Variants in MAPK4 observed in about 807,000 individuals in gnomAD.
MAPK4 encodes the protein mitogen-activated protein kinase 4, also known as Erk3-related.
Under a neutral mutation model 47.7 loss-of-function variants are expected in MAPK4, and 22 were observed. The ratio of observed to expected loss-of-function variants is 0.46; its 90% CI spans 0.33 to 0.66. MAPK4 has a LOEUF of 0.66. Among genes scored for constraint, MAPK4 ranks in the 30% least tolerant of loss-of-function variants. The pLI is 0.02. For missense variants in MAPK4, 736 were observed against 831.7 expected, an observed-to-expected ratio of 0.88 and a Z score of 1.42; for synonymous variants, 390 against 365.7, an observed-to-expected ratio of 1.07 and a Z score of -0.76.
At chr18:50,661,430 A>C (rs896333861) in intron 1 of MAPK4, among the ~76,000 whole-genome samples, 43 of 152,330 alleles carry the variant, frequency 2.8e-4, no homozygotes, top group African/African-American at 9.9e-4. Context: ...AATGGTATTC[A>C]TTTATCCATT....
rs1368280953 is a variant in MAPK4 at position 50,731,654 on chromosome 18, A to G, written c.*1800A>G. The G allele has an allele frequency of 6.6e-6, 1 of 152,250 alleles. No homozygotes were observed. Among genetic ancestry groups the G allele is most frequent in the Non-Finnish European group, 1.5e-5 (1 of 68,042 alleles). 9.4% of individuals were successfully genotyped at this position (152,250 alleles called of 1,614,324 possible). A position where few individuals can be genotyped will look rare whatever the true frequency, so the allele number is the denominator to read the frequency against. On this transcript the variant is annotated 3_prime_UTR_variant, in exon 6 of 6. Transcript: ENST00000400384. ...ACTCCTCATGTGCCATTTTGTCCTC[A>G]GAGGGCGGCTTTACTTTTTTGGTAA...
At chr18:50,593,121 A>C (rs909857513) in intron 1 of MAPK4, among the ~76,000 whole-genome samples, 2 of 152,234 alleles carry the variant, frequency 1.3e-5, no homozygotes, top group African/African-American at 4.8e-5. Context: ...ACAGGCAACC[A>C]GCCTCCAAAC....
intron 1 of MAPK4, among the ~76,000 whole-genome samples, chr18:50,619,132 A>G (rs543802043): frequency 3.9e-5 from 6 of 152,250 alleles, no homozygotes; most frequent in Non-Finnish European, 8.8e-5. Flanking sequence ...AACTTGGATT[A>G]ACATGTGCCA....
chr18:50,686,586 A>G (rs1020537473), intron 2 of MAPK4, among the ~76,000 whole-genome samples: 1 of 152,224 alleles, frequency 6.6e-6, no homozygotes, highest in Admixed American at 6.5e-5. Flanking sequence ...GTTTGCTCAC[A>G]TTACAACACT....
At chr18:50,680,430 A>C (rs557824884) in intron 2 of MAPK4, among the ~76,000 whole-genome samples, 2 of 152,272 alleles carry the variant, frequency 1.3e-5, no homozygotes, top group South Asian at 4.2e-4. Context: ...AGATATATTA[A>C]CATACCATAC....
Position 50,731,023 on chromosome 18 carries a change from AGATGTGTTGGAGAGCACGTCGT to A in MAPK4, c.*1172_*1193del, listed in dbSNP as rs1266805564. 6.6e-6 allele frequency: 1 copy of A among 152,228 alleles called. No individual in the cohort carries two copies. Among genetic ancestry groups the A allele is most frequent in the African/African-American group, 2.4e-5 (1 of 41,430 alleles). 9.4% of individuals were successfully genotyped at this position (152,228 alleles called of 1,614,324 possible). ...CCTTGACAAACAGCAGACCCTACAG[AGATGTGTTGGAGAGCACGTCGT>A]GACCTTGGGGGCAAGGAATCCAGAA... On this transcript the variant is annotated 3_prime_UTR_variant, in exon 6 of 6. Coordinates refer to ENST00000400384, the MANE Select transcript of MAPK4 (RefSeq NM_002747.4).
rs1199595530 is a variant in MAPK4, at chr18:50,664,429, C to T, written c.471C>T (p.Ile157=). 6.2e-7 allele frequency: 1 copy of T among 1,614,136 alleles called. No homozygotes were observed. Among genetic ancestry groups the T allele is most frequent in the Non-Finnish European group, 8.5e-7 (1 of 1,179,998 alleles). The part of the protein sequence containing the change: ...HRDLKPANIF[I]STEDLVLKIG... ...ACCTGAAGCCCGCCAACATCTTCAT[C>T]AGCACAGAGGACCTCGTGCTCAAGA... Residue 157 remains isoleucine (I), a synonymous_variant, in exon 2 of 6, where the codon ATC becomes ATT. Coordinates refer to ENST00000400384, the MANE Select transcript of MAPK4 (RefSeq NM_002747.4). This position sits in a 1 kb window ranked among gnomAD's most constrained non-coding sequence, Gnocchi z 6.0.
chr18:50,596,185 AC>A lies in MAPK4; in HGVS notation c.-871+35943del, dbSNP rs141045036. Among the ~76,000 whole-genome samples the A allele has an allele frequency of 9.1e-3, 1,383 of 152,274 alleles. 19 individuals carry two copies. The highest frequency in any genetic ancestry group is 0.031 in the African/African-American group (1,285 of 41,550). On this transcript the variant is annotated intron_variant, in intron 1 of 5. Transcript: ENST00000400384. ...TCATCCGCATTTTCTCCATGGGCTG[AC>A]TTGAGGTACAGTGAGGTTAAATGAC...
At chr18:50,693,689 T>C (rs1217536912) in intron 2 of MAPK4, among the ~76,000 whole-genome samples, 3 of 152,226 alleles carry the variant, frequency 2.0e-5, no homozygotes, top group Non-Finnish European at 4.4e-5. Context: ...CAAGCGTGCA[T>C]GTGCTTTCCG....
intron 1 of MAPK4, among the ~76,000 whole-genome samples, chr18:50,650,319 C>T (rs1297810858): frequency 1.3e-5 from 2 of 148,332 alleles, no homozygotes; most frequent in African/African-American, 2.5e-5. Context: ...CCCATTGCCC[C>T]CTTTCCACTA....
chr18:50,725,814 A>G (rs1301644586), intron 4 of MAPK4, 148 bp from the exon 5 acceptor site: 3 of 691,726 alleles, frequency 4.3e-6, no homozygotes, highest in African/African-American at 1.8e-5. Flanking sequence ...GGATTGTGAC[A>G]AGGGTCTTGA....
intron 2 of MAPK4, among the ~76,000 whole-genome samples, chr18:50,696,036 T>G (rs1909495442): frequency 6.6e-6 from 1 of 151,258 alleles, no homozygotes; most frequent in Non-Finnish European, 1.5e-5. Context: ...ACTCAAGGGA[T>G]CCTCATCTGG....
At position 50,617,204 on chromosome 18, in the gene MAPK4, C is replaced by A. The variant is rs113896978; in HGVS notation, c.-870-45885C>A. ...TTTCTCAAAATAAGGCATAGTAGAGCCAGCCCATTGCAGGTAAAACAATTT... is the reference window on the plus strand; with the variant it reads ...TTTCTCAAAATAAGGCATAGTAGAGACAGCCCATTGCAGGTAAAACAATTT... On this transcript the variant is annotated intron_variant, in intron 1 of 5. Coordinates refer to ENST00000400384, the MANE Select transcript of MAPK4 (RefSeq NM_002747.4). Among the ~76,000 whole-genome samples, 1,065 of 149,570 alleles carry A rather than the reference C, an allele frequency of 7.1e-3. 8 individuals are homozygous for A. The highest frequency in any genetic ancestry group is 0.025 in the African/African-American group (1,021 of 40,500).
At chr18:50,725,214 G>A (rs191780015) in intron 4 of MAPK4, among the ~76,000 whole-genome samples, 49 of 152,318 alleles carry the variant, frequency 3.2e-4, no homozygotes, top group Non-Finnish European at 6.0e-4. Context: ...AATTCAGCCT[G>A]GTTGTTCAGT....
rs983914300 is a variant in MAPK4, at chr18:50,706,208, C to G, written c.547-8871C>G. The G allele has an allele frequency of 2.0e-5, 3 of 152,266 alleles. No individual in the cohort carries two copies. The South Asian group carries it at 6.2e-4, about 32-fold the overall frequency. The allele number at this position is 152,266 out of a possible 1,614,324, so 9.4% of individuals were successfully genotyped here. On this transcript the variant is annotated intron_variant, in intron 2 of 5. Coordinates refer to ENST00000400384, the MANE Select transcript of MAPK4 (RefSeq NM_002747.4). Reference sequence around the variant, plus strand: ...TCTGGGGAAAACCTCTGCGGCTACTCAAGGATTTATCTTATCCTGAGGGGA... The same window carrying G: ...TCTGGGGAAAACCTCTGCGGCTACTGAAGGATTTATCTTATCCTGAGGGGA...
chr18:50,628,116 T>C (rs1445275846), intron 1 of MAPK4, among the ~76,000 whole-genome samples: 6 of 152,182 alleles, frequency 3.9e-5, no homozygotes, highest in Non-Finnish European at 5.9e-5. Context: ...CTGCTTCCCA[T>C]TGTAGCCCTC....
intron 1 of MAPK4, among the ~76,000 whole-genome samples, chr18:50,564,467 G>A (rs549309722): frequency 2.6e-4 from 39 of 152,096 alleles, no homozygotes; most frequent in African/African-American, 8.7e-4. Flanking sequence ...GTATCCCCTG[G>A]GAAACAAAAT....
intron 1 of MAPK4, among the ~76,000 whole-genome samples, chr18:50,571,748 T>A (rs183279999): frequency 5.3e-5 from 8 of 152,338 alleles, no homozygotes; most frequent in Admixed American, 1.3e-4. Flanking sequence ...TAATAAGAGA[T>A]AATATGCTGC....
At chr18:50,672,123 C>A (rs1907988696) in intron 2 of MAPK4, among the ~76,000 whole-genome samples, 1 of 152,154 alleles carries the variant, frequency 6.6e-6, no homozygotes, top group African/African-American at 2.4e-5. Flanking sequence ...ATATTCAGGT[C>A]TCCATAGTGC....
Sources: allele counts gnomAD v4.1 joint callset (sites outside exome capture counted in the v4.1 genomes callset), GRCh38; gene constraint gnomAD v4.1.1; non-coding constraint Gnocchi (gnomAD v3.1); transcripts MANE v1.5; gene names NCBI Gene and HGNC (gene_info 2026-07-23, HGNC 2026-07-21).